Variants in THRAP3 observed in about 807,000 individuals in gnomAD.
THRAP3 encodes thyroid hormone receptor associated protein 3.
THRAP3 carries 16 observed loss-of-function variants against 101.0 expected under a neutral mutation model. That is an observed-to-expected ratio of 0.16 (90% confidence interval 0.11 to 0.24). The LOEUF (loss-of-function observed/expected upper bound fraction) is 0.24. Ranked by LOEUF, THRAP3 falls within the 10% of genes least tolerant of loss-of-function variation. The pLI is 1.00. For missense variants in THRAP3, 989 were observed against 1,202.7 expected (o/e 0.82, Z 2.63); for synonymous variants, 407 against 422.6 (o/e 0.96, Z 0.45).
chr1:36,252,148 G>A (rs1349250738), intron 1 of THRAP3, among the ~76,000 whole-genome samples: 1 of 151,844 alleles, frequency 6.6e-6, no homozygotes, highest in Non-Finnish European at 1.5e-5. Context: ...TTTTTGAGAC[G>A]GAGTTTTGCT....
At chr1:36,276,516 T>C (rs1272268817) in intron 2 of THRAP3, among the ~76,000 whole-genome samples, 2 of 87,814 alleles carry the variant, frequency 2.3e-5, no homozygotes, top group Non-Finnish European at 4.6e-5. Flanking sequence ...AGAGCCAGAC[T>C]CTGTCTCAAA....
At chr1:36,210,054 G>A in the THRAP3 span, among the ~76,000 whole-genome samples, 1 of 152,118 alleles carries the variant, frequency 6.6e-6, no homozygotes, top group Non-Finnish European at 1.5e-5. Context: ...CTGGTCCCCA[G>A]TGAATTGAGA....
At chr1:36,212,419 T>C in the THRAP3 span, among the ~76,000 whole-genome samples, 1 of 97,282 alleles carries the variant, frequency 1.0e-5, no homozygotes, top group Non-Finnish European at 2.0e-5. Flanking sequence ...TCTTTCTTTC[T>C]TTTTTTTTTT....
intron 1 of THRAP3, among the ~76,000 whole-genome samples, chr1:36,229,109 A>AT (rs1384090060): frequency 6.6e-6 from 1 of 151,614 alleles, no homozygotes; most frequent in Non-Finnish European, 1.5e-5. Context: ...ATTTTTTTTT[A>AT]TTTTTTGAGA....
At chr1:36,287,596 T>G in intron 4 of THRAP3, 1 of 985,460 alleles carries the variant, frequency 1.0e-6, no homozygotes, top group Non-Finnish European at 1.2e-6. Context: ...AAAAAAAGTA[T>G]GGTCTTTGCC....
At chr1:36,281,796 C>A (rs1033823852) in intron 2 of THRAP3, among the ~76,000 whole-genome samples, 12 of 151,984 alleles carry the variant, frequency 7.9e-5, no homozygotes, top group African/African-American at 2.9e-4. Flanking sequence ...GTAGGCCAGG[C>A]ACGGTGGCTC....
intron 2 of THRAP3, among the ~76,000 whole-genome samples, chr1:36,262,592 G>A (rs892543316): frequency 4.6e-5 from 7 of 152,132 alleles, no homozygotes; most frequent in Non-Finnish European, 7.4e-5. Flanking sequence ...AACAGTGGAT[G>A]TCTGTATATC....
intron 11 of THRAP3, 56 bp from the exon 12 acceptor site, chr1:36,303,740 A>G: frequency 6.2e-7 from 1 of 1,611,194 alleles, no homozygotes; most frequent in African/African-American, 1.3e-5. Context: ...CAGAGAAGAG[A>G]GCTCTGGCCA....
chr1:36,223,448 GC>G (rs1644919884), upstream of THRAP3, among the ~76,000 whole-genome samples: 3 of 152,182 alleles, frequency 2.0e-5, no homozygotes, highest in South Asian at 6.2e-4. Flanking sequence ...GTCGGGGAAG[GC>G]CCCGATACTT....
At chr1:36,224,390 C>A, upstream of THRAP3, 1 of 152,898 alleles carries the variant, frequency 6.5e-6, no homozygotes, top group Admixed American at 6.5e-5. Flanking sequence ...GGCAGCGGGT[C>A]TACGCCGTCG....
intron 1 of THRAP3, among the ~76,000 whole-genome samples, chr1:36,256,088 C>G (rs149995192): frequency 6.6e-6 from 1 of 151,948 alleles, no homozygotes; most frequent in East Asian, 1.9e-4. Context: ...GTGAACATGG[C>G]TCATTGCAGC....
At chr1:36,237,029 A>T (rs983966703) in intron 1 of THRAP3, among the ~76,000 whole-genome samples, 2 of 152,124 alleles carry the variant, frequency 1.3e-5, no homozygotes, top group East Asian at 1.9e-4. Context: ...ACACAAAATT[A>T]GCCAGGCGTG....
In THRAP3 at chr1:36,270,579, T is replaced by TTGTTTGTTTGTTTTTTG. The variant is rs1340163700; in HGVS notation, c.-32+11096_-32+11097insGTTTGTTTGTTTTTTGT. Among the ~76,000 whole-genome samples the TTGTTTGTTTGTTTTTTG allele has an allele frequency of 3.7e-5, 5 of 136,082 alleles. 1 individual carries two copies. The highest frequency in any genetic ancestry group is 1.7e-4 in the African/African-American group (5 of 29,256). The allele number at this position is 136,082 out of a possible 152,430, so 89.3% of individuals were successfully genotyped here. A position where few individuals can be genotyped will look rare whatever the true frequency, so the allele number is the denominator to read the frequency against. ...CAGTTCTATTTGTTTAGGTTTTTGT[T>TTGTTTGTTTGTTTTTTG]TTTTTTTTTTTTTTTGAGACGGAGT... On this transcript the variant is annotated intron_variant, in intron 2 of 11. Coordinates refer to ENST00000354618, the MANE Select transcript of THRAP3 (RefSeq NM_005119.4).
chr1:36,293,703 T>A (rs1357284645), intron 7 of THRAP3, 148 bp from the exon 8 acceptor site: 5 of 557,404 alleles, frequency 9.0e-6, no homozygotes, highest in Non-Finnish European at 1.6e-5. Flanking sequence ...AGTATAAGTA[T>A]ATAAGAGTAA....
At chr1:36,220,984 T>C (rs1310619521), upstream of THRAP3, among the ~76,000 whole-genome samples, 1 of 130,958 alleles carries the variant, frequency 7.6e-6, no homozygotes, top group Non-Finnish European at 1.6e-5. Flanking sequence ...TATATATATA[T>C]ATATATATAT....
chr1:36,230,360 C>T (rs945517911), intron 1 of THRAP3, among the ~76,000 whole-genome samples: 7 of 151,126 alleles, frequency 4.6e-5, no homozygotes, highest in African/African-American at 7.3e-5. Context: ...TCAGGTGATC[C>T]GCCCGCTTCG....
intron 7 of THRAP3, 133 bp downstream of exon 7, chr1:36,292,842 G>T (rs1295438642): frequency 5.9e-5 from 37 of 631,860 alleles, no homozygotes; most frequent in African/African-American, 5.7e-4. Flanking sequence ...GACTCTAAGA[G>T]AGCTATAGGC....
At chr1:36,234,280 C>G (rs1395264890) in intron 1 of THRAP3, among the ~76,000 whole-genome samples, 1 of 152,186 alleles carries the variant, frequency 6.6e-6, no homozygotes, top group African/African-American at 2.4e-5. Context: ...TCCCCTAATA[C>G]CCTTCTACCC....
chr1:36,222,003 G>A (rs1289215561), upstream of THRAP3, among the ~76,000 whole-genome samples: 1 of 151,766 alleles, frequency 6.6e-6, no homozygotes, highest in African/African-American at 2.4e-5. Context: ...TAGAGACCAG[G>A]GTTTCATCAT....
Sources: allele counts gnomAD v4.1 joint callset (sites outside exome capture counted in the v4.1 genomes callset), GRCh38; gene constraint gnomAD v4.1.1; transcripts MANE v1.5; gene names NCBI Gene and HGNC (gene_info 2026-07-23, HGNC 2026-07-21).